The following CLOCK variants were observed in gnomAD, a reference collection of about 807,000 sequenced individuals.
The protein encoded by CLOCK is circadian locomoter output cycles protein kaput.
CLOCK carries 43 observed loss-of-function variants against 118.4 expected under a neutral mutation model. The ratio of observed to expected loss-of-function variants is 0.36; its 90% confidence interval spans 0.28 to 0.47. The LOEUF is 0.47. Ranked by LOEUF, CLOCK falls within the 20% of genes least tolerant of loss-of-function variation. The pLI is 1.00. For synonymous variants in CLOCK, 326 were observed against 339.2 expected, an observed-to-expected ratio of 0.96 and a Z score of 0.43; for missense variants, 846 against 999.9, an observed-to-expected ratio of 0.85 and a Z score of 2.08.
chr4:55,452,887 A>G (rs1577706443), intron 15 of CLOCK, 167 bp downstream of exon 15: 1 of 531,782 alleles, frequency 1.9e-6, no homozygotes, highest in Admixed American at 3.3e-5. Flanking sequence ...GAGGCAGGTG[A>G]GACTCTAAAA....
chr4:55,498,857 T>C (rs1728256355), intron 2 of CLOCK, among the ~76,000 whole-genome samples: 1 of 152,156 alleles, frequency 6.6e-6, no homozygotes, highest in African/African-American at 2.4e-5. Flanking sequence ...AACATGGACA[T>C]AACAAGTATA....
chr4:55,435,865 A>C (rs941094817), intron 22 of CLOCK, among the ~76,000 whole-genome samples: 1 of 152,234 alleles, frequency 6.6e-6, no homozygotes, highest in African/African-American at 2.4e-5. Context: ...GAGCCAAATC[A>C]CACACGTTCT....
chr4:55,535,110 T>G (rs1278827918), intron 1 of CLOCK, among the ~76,000 whole-genome samples: 1 of 151,870 alleles, frequency 6.6e-6, no homozygotes, highest in Non-Finnish European at 1.5e-5. Flanking sequence ...TTTCTATTTT[T>G]TTGGAGAGCC....
chr4:55,458,906 G>A lies in CLOCK; in HGVS notation c.778C>T (p.Pro260Ser). 1 of 1,605,808 alleles carries A rather than the reference G, an allele frequency of 6.2e-7. No individual in the cohort carries two copies. Among genetic ancestry groups the A allele is most frequent in the Non-Finnish European group, 8.5e-7 (1 of 1,172,724 alleles). Residue 260 changes from proline (P) to serine (S), a missense_variant, in exon 11 of 23, where the codon CCT becomes TCT. Pro to Ser is a moderately conservative substitution (Grantham distance 74, BLOSUM62 -1). This residue lies in a region of CLOCK where 14 missense variants were observed against 42.2 expected (regional missense o/e 0.33). Transcript: ENST00000513440. Reference protein sequence around the residue: ...CFVATVRLATPQFIKEMCTVE... With the variant: ...CFVATVRLATSQFIKEMCTVE... The stretch of plus-strand genomic sequence containing the variant: ...TAAAAACATACCTTGATGAACTGAG[G>A]TGTAGCTAACCTGACAGTAGCTACA...
At chr4:55,472,470 C>A (rs919562766) in intron 7 of CLOCK, among the ~76,000 whole-genome samples, 1 of 152,174 alleles carries the variant, frequency 6.6e-6, no homozygotes, top group Admixed American at 6.5e-5. Context: ...AGATACACAG[C>A]ACAAAAGATA....
At chr4:55,449,366 A>T in intron 17 of CLOCK, 30 bp downstream of exon 17, 1 of 1,553,334 alleles carries the variant, frequency 6.4e-7, no homozygotes, top group Non-Finnish European at 8.9e-7. Flanking sequence ...ATAAATCTTT[A>T]TTCAGAAGAA....
chr4:55,498,701 A>G (rs1046415076), intron 2 of CLOCK, among the ~76,000 whole-genome samples: 5 of 152,010 alleles, frequency 3.3e-5, no homozygotes, highest in South Asian at 2.1e-4. Context: ...CCATATCTCA[A>G]TCTGTGGAGT....
chr4:55,530,613 A>C (rs1312573043), intron 1 of CLOCK, among the ~76,000 whole-genome samples: 1 of 151,852 alleles, frequency 6.6e-6, no homozygotes, highest in Non-Finnish European at 1.5e-5. Context: ...TGTCTCTATT[A>C]AAAATACAAA....
intron 1 of CLOCK, among the ~76,000 whole-genome samples, chr4:55,537,739 G>A (rs1474286461): frequency 6.6e-6 from 1 of 152,154 alleles, no homozygotes. Flanking sequence ...GGCTGCAATG[G>A]GCCATGATCA....
intron 2 of CLOCK, among the ~76,000 whole-genome samples, chr4:55,498,338 G>A (rs905286798): frequency 8.6e-5 from 13 of 151,992 alleles, no homozygotes; most frequent in Non-Finnish European, 1.0e-4. Context: ...AAGTAGGCCC[G>A]GCAAATTCAA....
At chr4:55,517,025 C>T (rs903853059) in intron 1 of CLOCK, among the ~76,000 whole-genome samples, 4 of 152,116 alleles carry the variant, frequency 2.6e-5, no homozygotes, top group Non-Finnish European at 4.4e-5. Flanking sequence ...TTTACATAAG[C>T]GCATACATAC....
intron 7 of CLOCK, among the ~76,000 whole-genome samples, chr4:55,472,405 G>C (rs1181887360): frequency 6.6e-6 from 1 of 152,120 alleles, no homozygotes; most frequent in Non-Finnish European, 1.5e-5. Flanking sequence ...TTTGAAAAAA[G>C]AGCAAGTATA....
intron 8 of CLOCK, 93 bp downstream of exon 8, chr4:55,470,624 T>G: frequency 6.9e-6 from 6 of 874,142 alleles, no homozygotes; most frequent in Middle Eastern, 2.2e-4. Flanking sequence ...TAACGACTGT[T>G]GTACACTGCT....
At chr4:55,473,343 A>G (rs568311279) in intron 7 of CLOCK, among the ~76,000 whole-genome samples, 2 of 152,318 alleles carry the variant, frequency 1.3e-5, no homozygotes, top group East Asian at 1.9e-4. Context: ...TGTTTACTTC[A>G]TAAGAGTATT....
At chr4:55,487,834 G>C (rs1341130761) in intron 3 of CLOCK, among the ~76,000 whole-genome samples, 1 of 152,164 alleles carries the variant, frequency 6.6e-6, no homozygotes. Flanking sequence ...CCTGGGATTT[G>C]CAAGAAAGTT....
chr4:55,537,885 C>T (rs1577877371), intron 1 of CLOCK, among the ~76,000 whole-genome samples: 1 of 152,118 alleles, frequency 6.6e-6, no homozygotes, highest in East Asian at 1.9e-4. Flanking sequence ...ACCTCAGCTT[C>T]TATCTTAAGA....
rs190548056 is a variant in CLOCK at position 55,517,988 on chromosome 4, G to A, written c.-289-7923C>T. Among the ~76,000 whole-genome samples, 131 of 152,194 alleles carry A rather than the reference G, an allele frequency of 8.6e-4. 1 individual carries two copies. The highest frequency in any genetic ancestry group is 3.0e-3 in the African/African-American group (123 of 41,520). Reference sequence around the variant, plus strand: ...ATGGTGGGGGGTGGGGAGTCGGATCGCAGGACACCTAGTTATGGTAAAGGG... The same window carrying A: ...ATGGTGGGGGGTGGGGAGTCGGATCACAGGACACCTAGTTATGGTAAAGGG... On this transcript the variant is annotated intron_variant, in intron 1 of 22. Transcript: ENST00000513440.
At chr4:55,509,814 A>C (rs3817444) in intron 2 of CLOCK, 98 bp downstream of exon 2, 105,379 of 152,122 alleles carry the variant, frequency 0.69, 36,800 homozygotes, top group South Asian at 0.81. Context: ...GCAGATCATT[A>C]CCCAAGTATT....
At position 55,444,619 on chromosome 4, in the gene CLOCK, A is replaced by T. The variant is rs753821021; in HGVS notation, c.1692+14T>A. On this transcript the variant is annotated intron_variant, in intron 19 of 22. Transcript: ENST00000513440. ...GAATGGGATGCTTTGTTTGTATTCA[A>T]ATATAACAATTACCTGCAGCCCCTG... is the stretch of plus-strand genomic sequence containing the variant. 6.2e-7 allele frequency: 1 copy of T among 1,613,970 alleles called. No individual in the cohort carries two copies. The highest frequency in any genetic ancestry group is 1.7e-4 in the Middle Eastern group (1 of 6,060).
Sources: allele counts gnomAD v4.1 joint callset (sites outside exome capture counted in the v4.1 genomes callset), GRCh38; gene constraint gnomAD v4.1.1; regional missense constraint gnomAD v4.1.1; transcripts MANE v1.5; gene names NCBI Gene and HGNC (gene_info 2026-07-23, HGNC 2026-07-21).